Variants in IL1RAPL2 observed in about 807,000 individuals in gnomAD.
The protein encoded by IL1RAPL2 is interleukin 1 receptor accessory protein like 2.
In IL1RAPL2, 3 loss-of-function variants were observed where a neutral mutation model predicts 44.1. The observed-to-expected ratio is 0.07, with a 90% CI of 0.03 to 0.18. The LOEUF is 0.18. IL1RAPL2 is among the 10% of genes least tolerant of loss of function. IL1RAPL2 has a pLI of 1.00. For synonymous variants in IL1RAPL2, 181 were observed against 178.8 expected (o/e 1.01, Z -0.10); for missense variants, 391 against 496.4 (o/e 0.79, Z 2.02).
At chrX:104,839,102 G>A (rs1921831349) in intron 2 of IL1RAPL2, among the ~76,000 whole-genome samples, 1 of 109,284 alleles carries the variant, frequency 9.2e-6, no homozygotes, top group African/African-American at 3.3e-5. Context: ...ACCTGCCTCA[G>A]CCTCCCAAAG....
chrX:105,724,727 T>A (rs969230887), intron 7 of IL1RAPL2, among the ~76,000 whole-genome samples: 2 of 112,313 alleles, frequency 1.8e-5, no homozygotes, highest in African/African-American at 6.5e-5. Flanking sequence ...TTTAAAATCA[T>A]TCCAACAATC....
At chrX:104,659,016 CA>C (rs1482527296) in intron 2 of IL1RAPL2, 21 bp downstream of exon 2, 2 of 1,123,444 alleles carry the variant, frequency 1.8e-6, no homozygotes, top group Non-Finnish European at 2.4e-6. Context: ...GGCAACTTGC[CA>C]CTATTTGGTC....
intron 6 of IL1RAPL2, among the ~76,000 whole-genome samples, chrX:105,570,807 T>C (rs1411455530): frequency 9.0e-6 from 1 of 111,532 alleles, no homozygotes; most frequent in Non-Finnish European, 1.9e-5. Context: ...AAGAGGAAGA[T>C]TGTGAATTGA....
chrX:105,630,531 G>T (rs1354825810), intron 6 of IL1RAPL2, among the ~76,000 whole-genome samples: 1 of 100,514 alleles, frequency 9.9e-6, no homozygotes. Context: ...AAAGGGTGTT[G>T]CTTCTCCATA....
At chrX:104,602,882 G>C (rs1241883856) in intron 1 of IL1RAPL2, among the ~76,000 whole-genome samples, 1 of 111,605 alleles carries the variant, frequency 9.0e-6, no homozygotes, top group Non-Finnish European at 1.9e-5. Flanking sequence ...CTGGGGAAAG[G>C]GGCAGTTGTG....
intron 5 of IL1RAPL2, among the ~76,000 whole-genome samples, chrX:105,386,604 C>G (rs1487771553): frequency 8.9e-6 from 1 of 111,872 alleles, no homozygotes; most frequent in Non-Finnish European, 1.9e-5. Flanking sequence ...TACCCAAAAT[C>G]TATTTTCTTA....
chrX:105,555,786 T>C (rs1445861576), intron 6 of IL1RAPL2, among the ~76,000 whole-genome samples: 1 of 112,125 alleles, frequency 8.9e-6, no homozygotes, highest in Non-Finnish European at 1.9e-5. Context: ...GAGAGGTATG[T>C]TAGGTTGTCA....
chrX:104,655,958 G>A lies in IL1RAPL2; in HGVS notation c.-19-2937G>A, dbSNP rs1031490994. Among the ~76,000 whole-genome samples the A allele has an allele frequency of 5.4e-5, 6 of 111,577 alleles. 1 individual carries two copies. The highest frequency in any genetic ancestry group is 7.5e-4 in the South Asian group (2 of 2,670). ...CTTCTAGATTTTCTAGTTAATTTGC[G>A]TAGAGGTGTTTATAGTATTCTCTGA... On this transcript the variant is annotated intron_variant, in intron 1 of 10. Coordinates refer to ENST00000372582, the MANE Select transcript of IL1RAPL2 (RefSeq NM_017416.2).
At chrX:104,927,329 G>A (rs1358075283) in intron 2 of IL1RAPL2, among the ~76,000 whole-genome samples, 1 of 110,802 alleles carries the variant, frequency 9.0e-6, no homozygotes, top group East Asian at 2.8e-4. Context: ...TCAATTATAG[G>A]ATTAATTATC....
chrX:105,517,876 A>T (rs1223834903), intron 6 of IL1RAPL2, among the ~76,000 whole-genome samples: 1 of 111,473 alleles, frequency 9.0e-6, no homozygotes, highest in East Asian at 2.8e-4. Flanking sequence ...AGGAAAACAC[A>T]CTTAGGGGGT....
intron 6 of IL1RAPL2, among the ~76,000 whole-genome samples, chrX:105,556,272 T>C (rs966530254): frequency 8.9e-6 from 1 of 111,840 alleles, no homozygotes; most frequent in Non-Finnish European, 1.9e-5. Flanking sequence ...AAAGTTTTAT[T>C]TTAGTAATTT....
intron 6 of IL1RAPL2, among the ~76,000 whole-genome samples, chrX:105,492,840 C>T (rs1051034454): frequency 3.6e-5 from 4 of 110,782 alleles, no homozygotes; most frequent in Admixed American, 9.7e-5. Flanking sequence ...GGTCTATTCA[C>T]GATGTTGTGC....
At chrX:105,662,778 T>C (rs1021840881) in intron 6 of IL1RAPL2, among the ~76,000 whole-genome samples, 1 of 111,793 alleles carries the variant, frequency 8.9e-6, no homozygotes, top group African/African-American at 3.3e-5. Context: ...AACTGAGGCT[T>C]CCTGCTAACA....
chrX:105,220,018 G>T, intron 3 of IL1RAPL2: 1 of 1,210,908 alleles, frequency 8.3e-7, no homozygotes, highest in Non-Finnish European at 1.1e-6. Context: ...TCTTAGCCGG[G>T]AGGCCGCCTC....
intron 2 of IL1RAPL2, among the ~76,000 whole-genome samples, chrX:105,028,108 A>G (rs1009888764): frequency 9.0e-6 from 1 of 111,401 alleles, no homozygotes; most frequent in Non-Finnish European, 1.9e-5. Context: ...GTTCTCACCT[A>G]TGGGATCTAA....
intron 9 of IL1RAPL2, among the ~76,000 whole-genome samples, chrX:105,754,155 C>T (rs1310623240): frequency 3.6e-5 from 4 of 112,185 alleles, no homozygotes; most frequent in Non-Finnish European, 5.6e-5. Context: ...AACAGTCTTT[C>T]GCAGTTATTA....
intron 6 of IL1RAPL2, among the ~76,000 whole-genome samples, chrX:105,542,728 T>TTTAA (rs761567259): frequency 1.0e-5 from 1 of 99,355 alleles, no homozygotes; most frequent in Admixed American, 1.1e-4. Flanking sequence ...TATTTATTTA[T>TTTAA]TTAATTTATT....
At chrX:105,728,618 A>G (rs1297358503) in intron 7 of IL1RAPL2, among the ~76,000 whole-genome samples, 1 of 111,507 alleles carries the variant, frequency 9.0e-6, no homozygotes, top group Non-Finnish European at 1.9e-5. Flanking sequence ...CAGAAAGTAC[A>G]GAGAACTCTC....
intron 5 of IL1RAPL2, among the ~76,000 whole-genome samples, chrX:105,450,207 T>C (rs2036009863): frequency 9.0e-6 from 1 of 111,653 alleles, no homozygotes; most frequent in African/African-American, 3.3e-5. Context: ...CTGAGTTCAA[T>C]GTAAAGTCCC....
Sources: allele counts gnomAD v4.1 joint callset (sites outside exome capture counted in the v4.1 genomes callset), GRCh38; gene constraint gnomAD v4.1.1; transcripts MANE v1.5; gene names NCBI Gene and HGNC (gene_info 2026-07-23, HGNC 2026-07-21).